The following COA1 variants were observed in gnomAD, a reference collection of about 807,000 sequenced individuals.
COA1 encodes cytochrome c oxidase assembly factor 1.
In COA1, 13 loss-of-function variants were observed where a neutral mutation model predicts 16.0. That is an observed-to-expected ratio of 0.81 (90% CI 0.53 to 1.29). The LOEUF (loss-of-function observed/expected upper bound fraction) is 1.29, where lower values mean the gene tolerates loss of function less well. COA1 is among the 50% of genes most tolerant of loss of function. The probability of loss-of-function intolerance (pLI) is 0.00; values close to 1 mark genes in which losing one functional copy is unlikely to be tolerated. For synonymous variants in COA1, 65 were observed against 65.7 expected (o/e 0.99, Z 0.05); for missense variants, 179 against 177.0 (o/e 1.01, Z -0.06).
intron 1 of COA1, among the ~76,000 whole-genome samples, chr7:43,656,490 G>A (rs549060043): frequency 7.2e-4 from 109 of 152,084 alleles, no homozygotes; most frequent in Non-Finnish European, 1.4e-3. Flanking sequence ...GAGGTCAAGA[G>A]ATCGAGACCA....
chr7:43,645,211 A>G, intron 4 of COA1, 40 bp downstream of exon 4: 1 of 1,602,490 alleles, frequency 6.2e-7, no homozygotes, highest in African/African-American at 1.3e-5. Context: ...CCTCTCCTTC[A>G]GCAGGCACCA....
intron 1 of COA1, among the ~76,000 whole-genome samples, chr7:43,707,526 C>G (rs2095038953): frequency 6.6e-6 from 1 of 152,136 alleles, no homozygotes; most frequent in South Asian, 2.1e-4. Context: ...CAATCATTAA[C>G]CCCTCCCTCC....
intron 1 of COA1, among the ~76,000 whole-genome samples, chr7:43,712,009 C>T (rs964857832): frequency 3.2e-4 from 49 of 152,214 alleles, no homozygotes; most frequent in African/African-American, 1.1e-3. Context: ...ATTAAGACAC[C>T]CTGATCCCAT....
chr7:43,640,444 G>C, intron 5 of COA1, 129 bp downstream of exon 5: 1 of 746,594 alleles, frequency 1.3e-6, no homozygotes, highest in Non-Finnish European at 2.3e-6. Flanking sequence ...GAAGCTTTCA[G>C]CTTCAAGCTT....
rs1373818399 is a variant in COA1, at chr7:43,710,365, A to T, written c.-39+19064T>A. On this transcript the variant is annotated intron_variant, in intron 1 of 5. Transcript: ENST00000223336. ...CTCTGTCTCAAAAAAAAAAAAAAAAAAAAAAAAAAAATATATATATATATA... is the reference window on the plus strand; with the variant it reads ...CTCTGTCTCAAAAAAAAAAAAAAAATAAAAAAAAAAATATATATATATATA... Among the ~76,000 whole-genome samples, 374 of 107,900 alleles carry T rather than the reference A, an allele frequency of 3.5e-3. 9 individuals carry two copies. Among genetic ancestry groups the T allele is most frequent in the African/African-American group, 0.012 (352 of 28,518 alleles). The allele number at this position is 107,900 out of a possible 152,430, so 70.8% of individuals were successfully genotyped here.
intron 6 of COA1, chr7:43,632,034 T>A (rs1251363497): frequency 1.3e-5 from 2 of 152,402 alleles, no homozygotes; most frequent in African/African-American, 4.8e-5. Flanking sequence ...TTATTAACTC[T>A]TTCATGAGAG....
intron 1 of COA1, among the ~76,000 whole-genome samples, chr7:43,717,341 G>C (rs1250212457): frequency 6.6e-6 from 1 of 152,174 alleles, no homozygotes. Flanking sequence ...AGCTCCAACA[G>C]CATGACCCAG....
chr7:43,647,705 A>AC (rs1341972313), intron 2 of COA1, 71 bp from the exon 3 acceptor site: 1 of 1,162,730 alleles, frequency 8.6e-7, no homozygotes, highest in African/African-American at 1.5e-5. Flanking sequence ...CCCGGCTTGG[A>AC]CCCCTAAAGG....
chr7:43,721,981 A>C (rs547594959), intron 1 of COA1, among the ~76,000 whole-genome samples: 1 of 152,278 alleles, frequency 6.6e-6, no homozygotes, highest in Non-Finnish European at 1.5e-5. Flanking sequence ...AGTGTTTCTA[A>C]AGACTACCAT....
At chr7:43,677,225 T>C (rs1420378646) in intron 1 of COA1, among the ~76,000 whole-genome samples, 1 of 152,198 alleles carries the variant, frequency 6.6e-6, no homozygotes, top group African/African-American at 2.4e-5. Context: ...TTTTACAGCA[T>C]TGGTAAAGAA....
intron 1 of COA1, among the ~76,000 whole-genome samples, chr7:43,693,730 G>C (rs139970261): frequency 2.0e-5 from 3 of 151,698 alleles, no homozygotes; most frequent in Non-Finnish European, 4.4e-5. Flanking sequence ...CTCAACTATC[G>C]TACCTCATCT....
intron 6 of COA1, among the ~76,000 whole-genome samples, chr7:43,619,059 TCAA>T (rs1467535590): frequency 6.6e-6 from 1 of 152,138 alleles, no homozygotes; most frequent in African/African-American, 2.4e-5. Flanking sequence ...GGGAGGAATT[TCAA>T]CAATACAAGG....
chr7:43,614,454 G>T (rs1475937117), intron 6 of COA1, among the ~76,000 whole-genome samples: 2 of 152,162 alleles, frequency 1.3e-5, no homozygotes, highest in Non-Finnish European at 2.9e-5. Flanking sequence ...AAATGCTGAG[G>T]TACTTAGCTT....
chr7:43,667,683 T>C (rs996279623), intron 1 of COA1, among the ~76,000 whole-genome samples: 3 of 152,200 alleles, frequency 2.0e-5, no homozygotes, highest in Non-Finnish European at 4.4e-5. Flanking sequence ...TTGTTAACAC[T>C]GGAATAGAGG....
At chr7:43,639,937 GTTTA>G (rs1280458082) in intron 5 of COA1, among the ~76,000 whole-genome samples, 2 of 152,334 alleles carry the variant, frequency 1.3e-5, no homozygotes, top group East Asian at 3.9e-4. Flanking sequence ...AGAAGGAGCA[GTTTA>G]TTTCTCATTT....
At chr7:43,705,783 T>C (rs1427943452) in intron 1 of COA1, among the ~76,000 whole-genome samples, 1 of 152,226 alleles carries the variant, frequency 6.6e-6, no homozygotes. Context: ...ATGAGAATCA[T>C]GGGGTCTCCC....
At chr7:43,681,236 C>G (rs1345428329) in intron 1 of COA1, among the ~76,000 whole-genome samples, 1 of 152,220 alleles carries the variant, frequency 6.6e-6, no homozygotes, top group East Asian at 1.9e-4. Context: ...CTATGTGCAA[C>G]TGCCATTACA....
At chr7:43,688,783 A>C (rs371136056) in intron 1 of COA1, among the ~76,000 whole-genome samples, 2 of 152,248 alleles carry the variant, frequency 1.3e-5, no homozygotes, top group Non-Finnish European at 2.9e-5. Flanking sequence ...TCAAATGTAC[A>C]TAATAGCCAG....
chr7:43,697,528 C>T (rs1265594430), intron 1 of COA1, among the ~76,000 whole-genome samples: 2 of 152,138 alleles, frequency 1.3e-5, no homozygotes, highest in Admixed American at 6.6e-5. Flanking sequence ...TCAAGTGATC[C>T]GCCTGCCTCG....
Sources: gnomAD v4.1 joint callset for allele counts (sites outside exome capture counted in the v4.1 genomes callset) on GRCh38, gnomAD v4.1.1 for gene constraint, MANE v1.5 for transcripts, NCBI Gene and HGNC (gene_info 2026-07-23, HGNC 2026-07-21) for gene names.